Variants in CELF2 observed in about 807,000 individuals in gnomAD.
CELF2 encodes the protein CUGBP Elav-like family member 2.
A neutral mutation model predicts 62.6 loss-of-function variants in CELF2; 8 were observed. The ratio of observed to expected loss-of-function variants is 0.13; its 90% CI spans 0.07 to 0.23. The LOEUF (loss-of-function observed/expected upper bound fraction) is 0.23. Ranked by LOEUF, CELF2 falls within the 10% of genes least tolerant of loss-of-function variation. The probability of loss-of-function intolerance (pLI) is 1.00; values close to 1 mark genes in which losing one functional copy is unlikely to be tolerated. For missense variants in CELF2, 333 were observed against 671.0 expected, an observed-to-expected ratio of 0.50 and a Z score of 5.56; for synonymous variants, 258 against 250.0, an observed-to-expected ratio of 1.03 and a Z score of -0.30.
chr10:11,295,930 A>G (rs374470082), intron 9 of CELF2, among the ~76,000 whole-genome samples: 137 of 152,310 alleles, frequency 9.0e-4, no homozygotes, highest in African/African-American at 3.1e-3. Context: ...TGGATACTCC[A>G]GGCAGTTGGT....
chr10:10,827,816 TAAAGC>T (rs745679858), intron 1 of CELF2, among the ~76,000 whole-genome samples: 3 of 152,024 alleles, frequency 2.0e-5, no homozygotes, highest in Admixed American at 6.6e-5. Flanking sequence ...AAAAATAAAA[TAAAGC>T]AAAGAATGCA....
At chr10:10,695,893 T>C in the CELF2 span, among the ~76,000 whole-genome samples, 2 of 151,680 alleles carry the variant, frequency 1.3e-5, no homozygotes, top group African/African-American at 4.9e-5. Context: ...TTGGTTATTC[T>C]AGATATACAT....
chr10:10,892,821 G>A (rs934310784), intron 1 of CELF2, among the ~76,000 whole-genome samples: 1 of 152,204 alleles, frequency 6.6e-6, no homozygotes, highest in Admixed American at 6.5e-5. Flanking sequence ...ATAGAGGAGA[G>A]AAAGCACACA....
At chr10:10,914,052 A>C (rs1016946772) in intron 1 of CELF2, among the ~76,000 whole-genome samples, 1 of 152,144 alleles carries the variant, frequency 6.6e-6, no homozygotes, top group African/African-American at 2.4e-5. Context: ...CAATAAAGAA[A>C]ACCCCACACC....
chr10:10,918,778 G>A (rs1005207828), intron 1 of CELF2, among the ~76,000 whole-genome samples: 3 of 152,178 alleles, frequency 2.0e-5, no homozygotes, highest in African/African-American at 7.2e-5. Context: ...CTCTATGTAA[G>A]GTGTTTGTGT....
the CELF2 span, among the ~76,000 whole-genome samples, chr10:10,671,014 A>G: frequency 6.6e-6 from 1 of 152,022 alleles, no homozygotes; most frequent in Non-Finnish European, 1.5e-5. Context: ...AAAAAATAAA[A>G]ACATTAGCCA....
chr10:10,991,686 A>T (rs192997070), intron 2 of CELF2, among the ~76,000 whole-genome samples: 17 of 152,326 alleles, frequency 1.1e-4, no homozygotes, highest in African/African-American at 4.1e-4. Flanking sequence ...ATGTTGCTAC[A>T]GAAAGCCACT....
chr10:10,883,090 T>C (rs2061536068), intron 1 of CELF2, among the ~76,000 whole-genome samples: 1 of 152,178 alleles, frequency 6.6e-6, no homozygotes, highest in African/African-American at 2.4e-5. Flanking sequence ...TATTGTATTT[T>C]AACAGGCCAT....
the CELF2 span, among the ~76,000 whole-genome samples, chr10:10,615,890 TA>T: frequency 6.6e-6 from 1 of 152,108 alleles, no homozygotes; most frequent in Non-Finnish European, 1.5e-5. Context: ...AAGAATGAAC[TA>T]ATATAACTGG....
chr10:10,767,005 C>G, the CELF2 span, among the ~76,000 whole-genome samples: 3 of 152,158 alleles, frequency 2.0e-5, no homozygotes, highest in Non-Finnish European at 4.4e-5. Context: ...GTCAATGGAA[C>G]AGGAACAGGT....
Position 10,947,372 on chromosome 10 carries a change from C to G in CELF2, c.89+27373C>G, listed in dbSNP as rs2047812782. 1 of 152,646 alleles carries G rather than the reference C, an allele frequency of 6.6e-6. No homozygotes were observed. The allele number at this position is 152,646 out of a possible 1,614,324, so 9.5% of individuals were successfully genotyped here. On this transcript the variant is annotated intron_variant, in intron 2 of 13. Coordinates refer to the CELF2 transcript ENST00000636488. The surrounding 1 kb of genome is among the most constrained non-coding windows in gnomAD (Gnocchi z 4.1). Reference sequence around the variant, plus strand: ...TTATTTACCATTTTACTCTCCCTCCCTGTTCACCATTTGACACAAGAAATG... The same window carrying G: ...TTATTTACCATTTTACTCTCCCTCCGTGTTCACCATTTGACACAAGAAATG...
chr10:11,080,705 G>C (rs1313003369), intron 1 of CELF2, among the ~76,000 whole-genome samples: 1 of 152,238 alleles, frequency 6.6e-6, no homozygotes, highest in Non-Finnish European at 1.5e-5. Context: ...AGAACCTTAT[G>C]TGGGTGGTTA....
At position 11,319,897 on chromosome 10, in the gene CELF2, C is replaced by T. The variant is rs1042520749; in HGVS notation, c.1097-1292C>T. Reference sequence around the variant, plus strand: ...CTGTTAGGGCAGTAGCGTTGCTGGGCGTGTGGAGGTCACTCTGCTGCCGGA... The same window carrying T: ...CTGTTAGGGCAGTAGCGTTGCTGGGTGTGTGGAGGTCACTCTGCTGCCGGA... On this transcript the variant is annotated intron_variant, in intron 10 of 12. Transcript: ENST00000633077. The surrounding 1 kb of genome is among the most constrained non-coding windows in gnomAD (Gnocchi z 4.4). 17 of 470,662 alleles carry T rather than the reference C, an allele frequency of 3.6e-5. No individual in the cohort carries two copies. The highest frequency in any genetic ancestry group is 3.3e-4 in the Middle Eastern group (1 of 3,074). 29.2% of individuals were successfully genotyped at this position (470,662 alleles called of 1,614,324 possible).
In CELF2 at chr10:11,227,075, G is replaced by A. The variant is rs2066888605; in HGVS notation, c.354+9568G>A. On this transcript the variant is annotated intron_variant, in intron 3 of 12. Coordinates refer to ENST00000633077, the MANE Select transcript of CELF2 (RefSeq NM_001326342.2). This position sits in a 1 kb window ranked among gnomAD's most constrained non-coding sequence, Gnocchi z 4.8. ...AAGTATGGAGGCTCACCCTGGAAGA[G>A]TGAGCAGGACTCTGTTACCTGCAAC... 1.3e-5 allele frequency among the ~76,000 whole-genome samples: 2 copies of A among 152,188 alleles called. No homozygotes were observed.
intron 1 of CELF2, among the ~76,000 whole-genome samples, chr10:11,103,183 C>G (rs1001501844): frequency 1.3e-5 from 2 of 152,092 alleles, no homozygotes; most frequent in Non-Finnish European, 2.9e-5. Flanking sequence ...ACCCATTTAT[C>G]AGAATTCGAA....
chr10:11,323,202 A>G (rs2095535667), intron 11 of CELF2, among the ~76,000 whole-genome samples: 1 of 151,986 alleles, frequency 6.6e-6, no homozygotes, highest in South Asian at 2.1e-4. Flanking sequence ...AATTGCCCAA[A>G]ATAACCATTG....
At chr10:11,055,747 A>G (rs1168675136) in intron 1 of CELF2, among the ~76,000 whole-genome samples, 1 of 152,224 alleles carries the variant, frequency 6.6e-6, no homozygotes, top group African/African-American at 2.4e-5. Context: ...GGCCCAGTGC[A>G]AGTGCTGTGG....
At chr10:10,707,057 G>A in the CELF2 span, among the ~76,000 whole-genome samples, 1 of 152,176 alleles carries the variant, frequency 6.6e-6, no homozygotes, top group Non-Finnish European at 1.5e-5. Flanking sequence ...TCAACCCTAG[G>A]GGGTCAATGC....
Position 11,329,143 on chromosome 10 carries a change from G to A in CELF2, c.*90G>A. 7.3e-7 allele frequency: 1 copy of A among 1,371,950 alleles called. No homozygotes were observed. The highest frequency in any genetic ancestry group is 1.6e-5 in the South Asian group (1 of 62,898). 85.0% of individuals were successfully genotyped at this position (1,371,950 alleles called of 1,614,324 possible). A position where few individuals can be genotyped will look rare whatever the true frequency, so the allele number is the denominator to read the frequency against. ...TGTCTCAACAGGGAAGGCAGAGGAGGACCACATTGCCAACTTTTACCAAGA... is the reference window on the plus strand; with the variant it reads ...TGTCTCAACAGGGAAGGCAGAGGAGAACCACATTGCCAACTTTTACCAAGA... On this transcript the variant is annotated 3_prime_UTR_variant, in exon 13 of 13. Coordinates refer to ENST00000633077, the MANE Select transcript of CELF2 (RefSeq NM_001326342.2). The surrounding 1 kb of genome is among the most constrained non-coding windows in gnomAD (Gnocchi z 5.5).
Sources: allele counts gnomAD v4.1 joint callset (sites outside exome capture counted in the v4.1 genomes callset), GRCh38; gene constraint gnomAD v4.1.1; non-coding constraint Gnocchi (gnomAD v3.1); transcripts MANE v1.5; gene names NCBI Gene and HGNC (gene_info 2026-07-23, HGNC 2026-07-21).